Variants in RORA observed in about 807,000 individuals in gnomAD.
RORA encodes nuclear receptor ROR-alpha.
RORA carries 7 observed loss-of-function variants against 69.5 expected under a neutral mutation model. That is an observed-to-expected ratio of 0.10 (90% confidence interval 0.06 to 0.19). The LOEUF (loss-of-function observed/expected upper bound fraction) is 0.19. Ranked by LOEUF, RORA falls within the 10% of genes least tolerant of loss-of-function variation. The pLI is 1.00. For synonymous variants in RORA, 261 were observed against 240.8 expected (o/e 1.08, Z -0.78); for missense variants, 457 against 663.0 (o/e 0.69, Z 3.41).
At chr15:61,140,731 CA>C (rs1322643825) in intron 1 of RORA, among the ~76,000 whole-genome samples, 1 of 152,098 alleles carries the variant, frequency 6.6e-6, no homozygotes, top group African/African-American at 2.4e-5. Context: ...GCAGTTTTAT[CA>C]GGGGTCAGCC....
intron 1 of RORA, among the ~76,000 whole-genome samples, chr15:61,207,088 A>G (rs1041654720): frequency 6.6e-6 from 1 of 151,992 alleles, no homozygotes; most frequent in African/African-American, 2.4e-5. Context: ...GTGTGTATAT[A>G]TATATATGTA....
intron 2 of RORA, among the ~76,000 whole-genome samples, chr15:60,555,672 G>A (rs1353415714): frequency 1.3e-5 from 2 of 152,046 alleles, no homozygotes; most frequent in East Asian, 1.9e-4. Flanking sequence ...TAAGAATGAA[G>A]TGGTCTTGTG....
At chr15:61,030,842 G>A (rs994607871) in intron 1 of RORA, among the ~76,000 whole-genome samples, 4 of 152,046 alleles carry the variant, frequency 2.6e-5, no homozygotes, top group African/African-American at 9.7e-5. Context: ...CATTAATTTT[G>A]AGAAAAACGC....
chr15:61,016,357 T>C (rs1047568991), intron 1 of RORA, among the ~76,000 whole-genome samples: 5 of 152,274 alleles, frequency 3.3e-5, no homozygotes, highest in East Asian at 1.9e-4. Flanking sequence ...GTTCTTAAAA[T>C]AGAATGGTGA....
intron 1 of RORA, among the ~76,000 whole-genome samples, chr15:60,777,587 A>G (rs2072188846): frequency 1.3e-5 from 2 of 152,220 alleles, no homozygotes; most frequent in Non-Finnish European, 2.9e-5. Context: ...GAGAGAAATT[A>G]AGATTGCATG....
chr15:60,943,916 CAAAAA>C (rs545168599), intron 1 of RORA, among the ~76,000 whole-genome samples: 11 of 32,356 alleles, frequency 3.4e-4, no homozygotes, highest in South Asian at 2.5e-3. Flanking sequence ...ACTCCATCTC[CAAAAA>C]AAAAAAAAAA....
chr15:60,708,305 C>T (rs2071094185), intron 1 of RORA, among the ~76,000 whole-genome samples: 2 of 151,954 alleles, frequency 1.3e-5, no homozygotes, highest in Admixed American at 1.3e-4. Context: ...GCCTGTAGTC[C>T]CACCTACTTG....
intron 2 of RORA, among the ~76,000 whole-genome samples, chr15:60,570,968 G>A (rs191257639): frequency 5.3e-5 from 8 of 152,248 alleles, no homozygotes; most frequent in African/African-American, 1.9e-4. Context: ...CATATTAATC[G>A]GCTATTTTGC....
chr15:61,207,834 G>A (rs929052926), intron 1 of RORA, among the ~76,000 whole-genome samples: 1 of 152,218 alleles, frequency 6.6e-6, no homozygotes, highest in African/African-American at 2.4e-5. Flanking sequence ...CAAACAGGCT[G>A]TCATTGGGAA....
At chr15:61,175,587 T>G (rs1455157447) in intron 1 of RORA, among the ~76,000 whole-genome samples, 4 of 131,132 alleles carry the variant, frequency 3.1e-5, no homozygotes, top group African/African-American at 1.1e-4. Context: ...CATGTGCCTG[T>G]GGTCCCAGCT....
intron 1 of RORA, among the ~76,000 whole-genome samples, chr15:60,882,185 A>T: frequency 6.6e-6 from 1 of 152,122 alleles, no homozygotes; most frequent in East Asian, 1.9e-4. Flanking sequence ...CAACCACTAA[A>T]ATTCACTAGA....
intron 1 of RORA, among the ~76,000 whole-genome samples, chr15:60,831,718 A>G (rs750359597): frequency 6.6e-5 from 10 of 152,060 alleles, no homozygotes; most frequent in Non-Finnish European, 1.3e-4. Context: ...CGACTCTTGA[A>G]CTCAAAACCA....
intron 1 of RORA, among the ~76,000 whole-genome samples, chr15:60,775,980 G>A (rs1051043512): frequency 6.6e-6 from 1 of 152,194 alleles, no homozygotes; most frequent in Non-Finnish European, 1.5e-5. Context: ...CAGAGGAGGC[G>A]TCAGATGTGC....
At chr15:60,579,733 T>C (rs576137967) in intron 2 of RORA, among the ~76,000 whole-genome samples, 3 of 152,312 alleles carry the variant, frequency 2.0e-5, no homozygotes, top group African/African-American at 7.2e-5. Flanking sequence ...TCAGAAATAA[T>C]TGGTTGTCCT....
intron 1 of RORA, among the ~76,000 whole-genome samples, chr15:60,881,043 A>G (rs2073674072): frequency 6.6e-6 from 1 of 152,204 alleles, no homozygotes; most frequent in South Asian, 2.1e-4. Context: ...TGCTGATCTA[A>G]ACAAGGATTA....
chr15:61,153,838 T>C (rs1197268531), intron 1 of RORA, among the ~76,000 whole-genome samples: 2 of 152,058 alleles, frequency 1.3e-5, no homozygotes, highest in African/African-American at 4.8e-5. Context: ...GGGCACACAA[T>C]GACATGGAGG....
At chr15:60,578,726 T>C (rs574573878) in intron 2 of RORA, among the ~76,000 whole-genome samples, 1 of 152,124 alleles carries the variant, frequency 6.6e-6, no homozygotes, top group African/African-American at 2.4e-5. Context: ...ATAAAGTTAA[T>C]AAATTTTTCT....
intron 1 of RORA, among the ~76,000 whole-genome samples, chr15:60,834,236 A>T (rs2073085022): frequency 6.6e-6 from 1 of 152,236 alleles, no homozygotes; most frequent in Admixed American, 6.5e-5. Context: ...CTCAAACCCC[A>T]GTTCAGGGGC....
chr15:60,711,150 CG>C (rs2071138568), intron 1 of RORA, among the ~76,000 whole-genome samples: 1 of 152,126 alleles, frequency 6.6e-6, no homozygotes, highest in South Asian at 2.1e-4. Context: ...CTCATAAGGA[CG>C]GGTCACTCCT....
Sources: allele counts gnomAD v4.1 joint callset (sites outside exome capture counted in the v4.1 genomes callset), GRCh38; gene constraint gnomAD v4.1.1; transcripts MANE v1.5; gene names NCBI Gene and HGNC (gene_info 2026-07-23, HGNC 2026-07-21).